Variants in YWHAZ observed in about 807,000 individuals in gnomAD.
YWHAZ encodes the protein tyrosine 3-monooxygenase/tryptophan 5-monooxygenase activation protein zeta, also known as 14-3-3 protein zeta/delta.
For missense variants in YWHAZ, 79 were observed against 284.8 expected (o/e 0.28, Z 5.20); for synonymous variants, 87 against 103.6 (o/e 0.84, Z 0.97).
intron 2 of YWHAZ, among the ~76,000 whole-genome samples, chr8:100,947,208 C>T (rs1251775273): frequency 9.4e-5 from 14 of 148,978 alleles, no homozygotes; most frequent in African/African-American, 1.5e-4. Flanking sequence ...GAGCCGAGAT[C>T]GCGCCACTGC....
chr8:100,936,587 G>A (rs1427109737), intron 2 of YWHAZ, among the ~76,000 whole-genome samples: 1 of 152,134 alleles, frequency 6.6e-6, no homozygotes, highest in Non-Finnish European at 1.5e-5. Context: ...AATCACTTGA[G>A]GTCAGGAGTT....
upstream of YWHAZ, chr8:100,952,819 C>T (rs1221584542): frequency 6.0e-6 from 6 of 1,000,394 alleles, no homozygotes; most frequent in Non-Finnish European, 7.2e-6. Context: ...CGCGGCCCCT[C>T]CCGGCCTCCC....
At position 100,917,948 on chromosome 8, in the gene YWHAZ, T is replaced by C. The variant is rs1415359127; in HGVS notation, c.*2745A>G. On this transcript the variant is annotated 3_prime_UTR_variant, in exon 6 of 6. Transcript: ENST00000395958. ...CTATGTAGAAAACATTAGTTAATAC[T>C]AGTGAAGTGTTTTCATTATTCCAGG... 3.9e-5 allele frequency: 6 copies of C among 152,218 alleles called. No homozygotes were observed. The highest frequency in any genetic ancestry group is 1.4e-4 in the African/African-American group (6 of 41,456). The allele number at this position is 152,218 out of a possible 1,614,324, so 9.4% of individuals were successfully genotyped here. A position where few individuals can be genotyped will look rare whatever the true frequency, so the allele number is the denominator to read the frequency against.
chr8:100,928,454 A>G (rs1813520265), intron 2 of YWHAZ, among the ~76,000 whole-genome samples: 1 of 152,124 alleles, frequency 6.6e-6, no homozygotes, highest in African/African-American at 2.4e-5. Context: ...ATTTTCTGCC[A>G]GGTGTGGTGG....
upstream of YWHAZ, chr8:100,953,331 T>A: frequency 2.0e-6 from 2 of 984,340 alleles, no homozygotes; most frequent in Non-Finnish European, 2.4e-6. Context: ...CAGCTGGCGG[T>A]GGGAGTGGGC....
chr8:100,938,091 T>C (rs1181099974), intron 2 of YWHAZ, among the ~76,000 whole-genome samples: 10 of 152,240 alleles, frequency 6.6e-5, no homozygotes, highest in Admixed American at 3.9e-4. Flanking sequence ...GATCATGCCA[T>C]TGTACTCCAG....
intron 2 of YWHAZ, among the ~76,000 whole-genome samples, chr8:100,936,023 G>A (rs1021333149): frequency 6.6e-6 from 1 of 152,032 alleles, no homozygotes; most frequent in Non-Finnish European, 1.5e-5. Context: ...TTATGAACAA[G>A]AACTCAATCA....
chr8:100,923,829 T>C, intron 5 of YWHAZ, 126 bp downstream of exon 5: 3 of 650,990 alleles, frequency 4.6e-6, no homozygotes, highest in Non-Finnish European at 7.6e-6. Context: ...GATATATTTA[T>C]GAGAGCCTAT....
intron 2 of YWHAZ, among the ~76,000 whole-genome samples, chr8:100,945,237 C>T (rs927400861): frequency 2.0e-5 from 3 of 152,192 alleles, no homozygotes; most frequent in African/African-American, 7.2e-5. Context: ...CGCCATAATG[C>T]TCTATTTACT....
intron 2 of YWHAZ, among the ~76,000 whole-genome samples, chr8:100,939,817 C>A (rs930567801): frequency 1.3e-5 from 2 of 152,042 alleles, no homozygotes; most frequent in African/African-American, 4.8e-5. Context: ...GTTAGGAGAT[C>A]GAGACCAACC....
intron 2 of YWHAZ, among the ~76,000 whole-genome samples, chr8:100,945,871 CT>C (rs1810228685): frequency 6.6e-6 from 1 of 151,884 alleles, no homozygotes; most frequent in Admixed American, 6.6e-5. Flanking sequence ...CTAAAGAAGC[CT>C]TTCTGCTTGT....
rs1427719858 is a variant in YWHAZ, at chr8:100,917,938, T to G, written c.*2755A>C. 1 of 152,174 alleles carries G rather than the reference T, an allele frequency of 6.6e-6. No individual in the cohort carries two copies. The highest frequency in any genetic ancestry group is 1.9e-4 in the East Asian group (1 of 5,198). 9.4% of individuals were successfully genotyped at this position (152,174 alleles called of 1,614,324 possible). ...TTGGGAACTACTATGTAGAAAACAT[T>G]AGTTAATACTAGTGAAGTGTTTTCA... On this transcript the variant is annotated 3_prime_UTR_variant, in exon 6 of 6. Coordinates refer to ENST00000395958, the MANE Select transcript of YWHAZ (RefSeq NM_145690.3).
chr8:100,939,734 A>AT (rs2130277100), intron 2 of YWHAZ, among the ~76,000 whole-genome samples: 1 of 152,132 alleles, frequency 6.6e-6, no homozygotes, highest in South Asian at 2.1e-4. Context: ...TAAAAGTGAA[A>AT]TACTAGGCCA....
chr8:100,932,995 C>G (rs1467600770), intron 2 of YWHAZ, among the ~76,000 whole-genome samples: 3 of 152,050 alleles, frequency 2.0e-5, no homozygotes, highest in African/African-American at 4.8e-5. Flanking sequence ...TTTGAGCAAC[C>G]CTTGGGTTTG....
At chr8:100,937,039 TTTAA>T (rs1005473890) in intron 2 of YWHAZ, among the ~76,000 whole-genome samples, 26 of 152,210 alleles carry the variant, frequency 1.7e-4, no homozygotes, top group Non-Finnish European at 4.4e-5. Context: ...ATTTGCTAAA[TTTAA>T]TTAAGATTAT....
chr8:100,951,877 G>A, intron 1 of YWHAZ, 52 bp downstream of exon 1: 1 of 990,384 alleles, frequency 1.0e-6, no homozygotes, highest in South Asian at 4.4e-5. Flanking sequence ...CACGCGTTCG[G>A]AAGGCTGGCC....
chr8:100,952,128 G>A (rs1009985724), upstream of YWHAZ: 4 of 985,968 alleles, frequency 4.1e-6, no homozygotes, highest in Non-Finnish European at 3.6e-6. Flanking sequence ...GTCAAACGCT[G>A]CTATGGCAAC....
chr8:100,952,931 G>C (rs1271642131), upstream of YWHAZ: 1 of 1,000,616 alleles, frequency 1.0e-6, no homozygotes, highest in South Asian at 4.7e-5. Flanking sequence ...GTGTGGCTGA[G>C]TGATGGGGAG....
At chr8:100,941,279 C>A (rs1161213054) in intron 2 of YWHAZ, among the ~76,000 whole-genome samples, 1 of 152,150 alleles carries the variant, frequency 6.6e-6, no homozygotes, top group Non-Finnish European at 1.5e-5. Context: ...CTAAACTGGA[C>A]AATGTTTATT....
Sources: gnomAD v4.1 joint callset for allele counts (sites outside exome capture counted in the v4.1 genomes callset) on GRCh38, gnomAD v4.1.1 for gene constraint, MANE v1.5 for transcripts, NCBI Gene and HGNC (gene_info 2026-07-23, HGNC 2026-07-21) for gene names.